UNC79: variants seen among roughly 807,000 people sequenced by gnomAD.
UNC79 encodes protein unc-79 homolog.
UNC79 carries 37 observed loss-of-function variants against 283.1 expected under a neutral mutation model. The ratio of observed to expected loss-of-function variants is 0.13; its 90% CI spans 0.10 to 0.17. The LOEUF is 0.17. Among genes scored for constraint, UNC79 ranks in the 10% least tolerant of loss-of-function variants. The pLI is 1.00. For missense variants in UNC79, 2,272 were observed against 3,211.1 expected, an observed-to-expected ratio of 0.71 and a Z score of 7.07; for synonymous variants, 1,107 against 1,200.2, an observed-to-expected ratio of 0.92 and a Z score of 1.61.
chr14:93,422,596 G>T (rs1331149937), intron 1 of UNC79, among the ~76,000 whole-genome samples: 2 of 152,124 alleles, frequency 1.3e-5, no homozygotes, highest in African/African-American at 4.8e-5. Context: ...CATTCAGATG[G>T]TTGGGGGGGC....
intron 14 of UNC79, among the ~76,000 whole-genome samples, chr14:93,557,560 T>C (rs917379183): frequency 3.3e-5 from 5 of 151,830 alleles, no homozygotes; most frequent in African/African-American, 4.8e-5. Flanking sequence ...GCCTCCTAGA[T>C]AGCTCAGAGA....
intron 27 of UNC79, among the ~76,000 whole-genome samples, chr14:93,615,044 G>A (rs1596080028): frequency 6.6e-6 from 1 of 152,322 alleles, no homozygotes; most frequent in Non-Finnish European, 1.5e-5. Flanking sequence ...TGGGGCTACA[G>A]AGATGTGGAT....
exon 20 of UNC79, chr14:93,582,317 A>G (rs750716404): frequency 7.4e-6 from 12 of 1,614,150 alleles, no homozygotes; most frequent in Admixed American, 3.3e-5. Context: ...GAACCCAGGC[A>G]ACTGCACCGA....
intron 1 of UNC79, among the ~76,000 whole-genome samples, chr14:93,353,830 G>A (rs2054026834): frequency 6.6e-6 from 1 of 152,160 alleles, no homozygotes; most frequent in Admixed American, 6.5e-5. Context: ...GAAAAAGTCA[G>A]TGCCCTAACT....
intron 41 of UNC79, among the ~76,000 whole-genome samples, chr14:93,680,744 C>T (rs1383557750): frequency 6.6e-6 from 1 of 152,122 alleles, no homozygotes; most frequent in African/African-American, 2.4e-5. Flanking sequence ...AGGCATGTGC[C>T]ACCACACCTG....
chr14:93,421,142 C>T (rs1478598457), intron 1 of UNC79, among the ~76,000 whole-genome samples: 1 of 151,014 alleles, frequency 6.6e-6, no homozygotes, highest in Non-Finnish European at 1.5e-5. Context: ...AAGAAAACAA[C>T]ATAAAAATCA....
intron 1 of UNC79, among the ~76,000 whole-genome samples, chr14:93,337,632 G>T (rs2053607134): frequency 6.6e-6 from 1 of 152,338 alleles, no homozygotes; most frequent in African/African-American, 2.4e-5. Context: ...AGCCTGGAGT[G>T]GGGTGGTGGG....
chr14:93,368,876 A>T (rs2054388598), intron 1 of UNC79, among the ~76,000 whole-genome samples: 1 of 152,240 alleles, frequency 6.6e-6, no homozygotes, highest in Non-Finnish European at 1.5e-5. Flanking sequence ...ACAAAGACTG[A>T]AAGCTGACTG....
intron 1 of UNC79, among the ~76,000 whole-genome samples, chr14:93,345,810 C>G (rs1359241457): frequency 6.6e-6 from 1 of 151,906 alleles, no homozygotes; most frequent in Non-Finnish European, 1.5e-5. Flanking sequence ...AAAGGTCTTA[C>G]CCACTGCTAA....
At chr14:93,534,907 A>C (rs10137559) in intron 11 of UNC79, among the ~76,000 whole-genome samples, 1 of 152,236 alleles carries the variant, frequency 6.6e-6, no homozygotes, top group African/African-American at 2.4e-5. Flanking sequence ...TTACACAGAC[A>C]TTAATTTGGA....
intron 41 of UNC79, among the ~76,000 whole-genome samples, chr14:93,674,875 G>A (rs2073195946): frequency 6.6e-6 from 1 of 152,206 alleles, no homozygotes; most frequent in Admixed American, 6.5e-5. Flanking sequence ...CCTGATTTCA[G>A]TGTGTTAGGG....
intron 20 of UNC79, among the ~76,000 whole-genome samples, chr14:93,585,567 T>C (rs2141835643): frequency 6.6e-6 from 1 of 152,326 alleles, no homozygotes; most frequent in Non-Finnish European, 1.5e-5. Flanking sequence ...AGTATCTAGA[T>C]CAAGAGAATT....
chr14:93,421,087 AAAG>A (rs1341297997), intron 1 of UNC79, among the ~76,000 whole-genome samples: 1 of 151,752 alleles, frequency 6.6e-6, no homozygotes, highest in Non-Finnish European at 1.5e-5. Flanking sequence ...TTTTTAGAAG[AAAG>A]AAATAATAAA....
intron 2 of UNC79, among the ~76,000 whole-genome samples, chr14:93,469,378 G>A (rs1372258335): frequency 6.6e-6 from 1 of 152,096 alleles, no homozygotes; most frequent in Non-Finnish European, 1.5e-5. Flanking sequence ...ACTGCTAATG[G>A]TAATAGTAAC....
chr14:93,683,398 G>A (rs755987309), intron 42 of UNC79, among the ~76,000 whole-genome samples: 2 of 151,990 alleles, frequency 1.3e-5, no homozygotes, highest in Non-Finnish European at 2.9e-5. Context: ...AAGTCTAAAA[G>A]TGTGTGGTTT....
At chr14:93,521,237 A>G (rs1292307359) in intron 7 of UNC79, among the ~76,000 whole-genome samples, 1 of 152,062 alleles carries the variant, frequency 6.6e-6, no homozygotes, top group Non-Finnish European at 1.5e-5. Context: ...GACCTTGAAT[A>G]TCTTCCAGCC....
intron 11 of UNC79, among the ~76,000 whole-genome samples, chr14:93,534,304 C>T (rs920692577): frequency 6.6e-6 from 1 of 152,170 alleles, no homozygotes; most frequent in Non-Finnish European, 1.5e-5. Flanking sequence ...AGAAATGGTC[C>T]ATGTTGCAGC....
chr14:93,502,136 G>A (rs923700081), intron 7 of UNC79, among the ~76,000 whole-genome samples: 7 of 152,086 alleles, frequency 4.6e-5, no homozygotes, highest in African/African-American at 7.2e-5. Context: ...AGAATTGGCC[G>A]GGCATGGTGG....
chr14:93,524,034 G>A, exon 8 of UNC79: 2 of 1,614,130 alleles, frequency 1.2e-6, no homozygotes, highest in Non-Finnish European at 1.7e-6. Context: ...TAACAAACCA[G>A]CTGTGAAGGT....
Sources: gnomAD v4.1 joint callset for allele counts (sites outside exome capture counted in the v4.1 genomes callset) on GRCh38, gnomAD v4.1.1 for gene constraint, MANE v1.5 for transcripts, NCBI Gene and HGNC (gene_info 2026-07-23, HGNC 2026-07-21) for gene names.